The following SPECC1 variants were observed in gnomAD, a reference collection of about 807,000 sequenced individuals.
SPECC1 encodes cytospin-B.
In SPECC1, 62 loss-of-function variants were observed where a neutral mutation model predicts 104.1. The observed-to-expected ratio is 0.60, with a 90% CI of 0.49 to 0.74. The LOEUF (loss-of-function observed/expected upper bound fraction) is 0.74. Among genes scored for constraint, SPECC1 ranks in the 30% least tolerant of loss-of-function variants. SPECC1 has a pLI of 0.00. For missense variants in SPECC1, 1,306 were observed against 1,310.5 expected (o/e 1.00, Z 0.05); for synonymous variants, 513 against 501.6 (o/e 1.02, Z -0.30).
chr17:20,189,178 C>T (rs776615992), intron 3 of SPECC1, among the ~76,000 whole-genome samples: 1 of 152,122 alleles, frequency 6.6e-6, no homozygotes, highest in Non-Finnish European at 1.5e-5. Flanking sequence ...TTCACTAAAG[C>T]CTGCACCCTC....
chr17:20,048,432 C>G (rs979056205), intron 1 of SPECC1, among the ~76,000 whole-genome samples: 1 of 151,992 alleles, frequency 6.6e-6, no homozygotes, highest in Non-Finnish European at 1.5e-5. Flanking sequence ...TGCGCCCAGC[C>G]GAGAAGTGAG....
intron 1 of SPECC1, among the ~76,000 whole-genome samples, chr17:20,029,663 C>T (rs1319466792): frequency 6.6e-6 from 1 of 152,094 alleles, no homozygotes; most frequent in Admixed American, 6.6e-5. Flanking sequence ...TGATGTTGTC[C>T]TAGGAACCTG....
chr17:20,244,819 T>C (rs1329311075), intron 7 of SPECC1, among the ~76,000 whole-genome samples: 1 of 152,236 alleles, frequency 6.6e-6, no homozygotes, highest in Non-Finnish European at 1.5e-5. Context: ...GGCAATATGA[T>C]ACAATGAAGA....
At chr17:20,189,043 G>A (rs1265333347) in intron 3 of SPECC1, among the ~76,000 whole-genome samples, 1 of 152,108 alleles carries the variant, frequency 6.6e-6, no homozygotes. Context: ...AGGAAGTCAG[G>A]GCCTGATTAT....
At chr17:20,109,201 A>G (rs1441943849) in intron 2 of SPECC1, among the ~76,000 whole-genome samples, 1 of 152,266 alleles carries the variant, frequency 6.6e-6, no homozygotes, top group Non-Finnish European at 1.5e-5. Flanking sequence ...AACTCTCAGT[A>G]AATGACCCCA....
At chr17:20,253,943 A>G (rs931523052) in intron 10 of SPECC1, among the ~76,000 whole-genome samples, 2 of 152,032 alleles carry the variant, frequency 1.3e-5, no homozygotes, top group African/African-American at 4.8e-5. Flanking sequence ...CTGGGATTAT[A>G]GGTGTGAGCC....
chr17:20,070,342 A>G (rs1010164342), intron 1 of SPECC1, among the ~76,000 whole-genome samples: 5 of 152,118 alleles, frequency 3.3e-5, no homozygotes, highest in South Asian at 4.1e-4. Flanking sequence ...GATTTTGTCT[A>G]CTGCTTTTTC....
chr17:20,189,102 C>T (rs192174800), intron 3 of SPECC1, among the ~76,000 whole-genome samples: 1 of 152,164 alleles, frequency 6.6e-6, no homozygotes, highest in Admixed American at 6.5e-5. Flanking sequence ...CCTCCGTAAC[C>T]TGGAGGTTAG....
rs1338523009 is a variant in SPECC1 at position 20,096,864 on chromosome 17, G to A, written c.147+66G>A. Reference sequence around the variant, plus strand: ...TACCCTGGGTTGGGAGGATTGAAGAGGGCAGTAAGCAAACCAGTGGCCTCT... The same window carrying A: ...TACCCTGGGTTGGGAGGATTGAAGAAGGCAGTAAGCAAACCAGTGGCCTCT... On this transcript the variant is annotated intron_variant, in intron 2 of 14. Coordinates refer to ENST00000395527, the MANE Select transcript of SPECC1 (RefSeq NM_001243439.2). 3.2e-6 allele frequency: 5 copies of A among 1,553,522 alleles called. No individual in the cohort carries two copies. In the African/African-American group the frequency reaches 5.4e-5, roughly 17 times the overall value.
At chr17:20,287,999 CCATGTGTT>C (rs1598146384) in intron 12 of SPECC1, among the ~76,000 whole-genome samples, 2 of 149,272 alleles carry the variant, frequency 1.3e-5, no homozygotes, top group East Asian at 3.9e-4. Flanking sequence ...CTCCATGTGT[CCATGTGTT>C]CTCATTTGTT....
rs760558434 is a variant in SPECC1, at chr17:20,314,042, A to G, written c.3184A>G (p.Ile1062Val). 5 of 1,614,140 alleles carry G rather than the reference A, an allele frequency of 3.1e-6. No homozygotes were observed. In the South Asian group the frequency reaches 5.5e-5, roughly 18 times the overall value. The change falls in exon 15 of 15, where the codon ATC (isoleucine) becomes GTC (valine). Residue 1062 changes from isoleucine to valine, a missense_variant. By Grantham distance (29) the Ile-to-Val change is conservative. Coordinates refer to ENST00000395527, the MANE Select transcript of SPECC1 (RefSeq NM_001243439.2). The part of the protein sequence containing the change: ...WQSVMQYVAQ[I>V]YKYFET ...GAGTGTGATGCAGTACGTGGCCCAA[A>G]TCTACAAGTACTTTGAGACGTAACC...
chr17:20,131,684 C>G (rs2049643317), intron 3 of SPECC1, among the ~76,000 whole-genome samples: 1 of 140,486 alleles, frequency 7.1e-6, no homozygotes, highest in Non-Finnish European at 1.5e-5. Flanking sequence ...GAGTCTCACT[C>G]TGTCACCCAG....
rs562329706 is a variant in SPECC1, at chr17:20,166,090, T to C, written c.284-38243T>C. Reference sequence around the variant, plus strand: ...CAAGATAATTCTACTGAAACAATAGTATCAGTTAAAAACACAATACACCAC... The same window carrying C: ...CAAGATAATTCTACTGAAACAATAGCATCAGTTAAAAACACAATACACCAC... On this transcript the variant is annotated intron_variant, in intron 3 of 14. Coordinates refer to ENST00000395527, the MANE Select transcript of SPECC1 (RefSeq NM_001243439.2). Among the ~76,000 whole-genome samples, 7 of 152,358 alleles carry C rather than the reference T, an allele frequency of 4.6e-5. No homozygotes were observed. The South Asian group carries it at 1.4e-3, about 32-fold the overall frequency.
At chr17:20,096,950 A>C (rs779874161) in intron 2 of SPECC1, 152 bp downstream of exon 2, 20 of 1,033,024 alleles carry the variant, frequency 1.9e-5, no homozygotes, top group Non-Finnish European at 2.7e-5. Flanking sequence ...CCTGGACATG[A>C]AGGAATAGAG....
chr17:20,236,732 G>A (rs1393689811), intron 7 of SPECC1: 3 of 1,161,066 alleles, frequency 2.6e-6, no homozygotes, highest in African/African-American at 3.1e-5. Context: ...AAATCTGTTG[G>A]CCTATCCTGG....
chr17:20,136,447 G>A (rs1345985389), intron 3 of SPECC1, among the ~76,000 whole-genome samples: 2 of 147,856 alleles, frequency 1.4e-5, no homozygotes, highest in African/African-American at 5.0e-5. Flanking sequence ...AAAAAAATCT[G>A]TCTTTTCAAA....
At chr17:20,078,601 CT>C in intron 1 of SPECC1, among the ~76,000 whole-genome samples, 1 of 152,130 alleles carries the variant, frequency 6.6e-6, no homozygotes, top group South Asian at 2.1e-4. Context: ...ATTAGTAAAG[CT>C]TTTTTGTATG....
At chr17:20,120,966 G>C (rs1054181850) in intron 3 of SPECC1, among the ~76,000 whole-genome samples, 1 of 152,168 alleles carries the variant, frequency 6.6e-6, no homozygotes, top group Non-Finnish European at 1.5e-5. Flanking sequence ...TGCTTGAATG[G>C]GGAGGCATGA....
At chr17:20,185,038 C>CA (rs1427872457) in intron 3 of SPECC1, 12 of 152,192 alleles carry the variant, frequency 7.9e-5, no homozygotes, top group African/African-American at 2.9e-4. Context: ...GGCTGATTGT[C>CA]CACAGAATTC....
Sources: allele counts gnomAD v4.1 joint callset (sites outside exome capture counted in the v4.1 genomes callset), GRCh38; gene constraint gnomAD v4.1.1; transcripts MANE v1.5; gene names NCBI Gene and HGNC (gene_info 2026-07-23, HGNC 2026-07-21).